The following ARHGEF35 variants were observed in gnomAD, a reference collection of about 807,000 sequenced individuals.
The protein encoded by ARHGEF35 is Rho guanine nucleotide exchange factor (GEF) 35.
For synonymous variants in ARHGEF35, 47 were observed against 170.4 expected (o/e 0.28, Z 5.64); for missense variants, 114 against 449.7 (o/e 0.25, Z 6.75).
rs779913268 is a variant in ARHGEF35, at chr7:144,187,045, C to T, written c.1339G>A (p.Ala447Thr). 17 of 1,544,354 alleles carry T rather than the reference C, an allele frequency of 1.1e-5. 4 individuals carry two copies. The highest frequency in any genetic ancestry group is 2.2e-5 in the East Asian group (1 of 44,810). Residue 447 changes from alanine (A) to threonine (T), a missense_variant, in exon 2 of 2, where the codon GCA (alanine) becomes ACA (threonine). Coordinates refer to ENST00000378115, the MANE Select transcript of ARHGEF35 (RefSeq NM_001003702.3). ...GGCTCTAGCAAGGGAGACAGAGCTGCGGGGGACAGTTCCTCAGCCCTGGAC... is the reference window on the plus strand; with the variant it reads ...GGCTCTAGCAAGGGAGACAGAGCTGTGGGGGACAGTTCCTCAGCCCTGGAC... ...TESRAEELSPAALSPLLEPIR... is the reference protein window; with the variant it reads ...TESRAEELSPTALSPLLEPIR...
At chr7:144,189,795 T>C (rs2051984142) in intron 1 of ARHGEF35, among the ~76,000 whole-genome samples, 1 of 119,128 alleles carries the variant, frequency 8.4e-6, no homozygotes, top group South Asian at 3.1e-4. Context: ...CTCCAGTCTT[T>C]TTTTTTCTTT....
rs2051972651 is a variant in ARHGEF35 at position 144,187,621 on chromosome 7, GC to G, written c.762del (p.Leu255TyrfsTer2). 9.2e-7 allele frequency: 1 copy of G among 1,087,844 alleles called. No individual in the cohort carries two copies. The highest frequency in any genetic ancestry group is 1.9e-5 in the Admixed American group (1 of 53,598). 67.4% of individuals were successfully genotyped at this position (1,087,844 alleles called of 1,614,324 possible). A position where few individuals can be genotyped will look rare whatever the true frequency, so the allele number is the denominator to read the frequency against. ...GTLREDVCAD[G>X]LLGEEQMIEQ... is the part of the protein sequence containing the mutation. ...TCTATCATCTGTTCCTCCCCTAATAGCCCATCGGCACAAACATCCTCCCTCA... is the reference window on the plus strand; with the variant it reads ...TCTATCATCTGTTCCTCCCCTAATAGCCATCGGCACAAACATCCTCCCTCA... On this transcript the variant is annotated frameshift_variant, in exon 2 of 2. Transcript: ENST00000378115. LOFTEE classifies it low-confidence loss of function (END_TRUNC).
Position 144,186,844 on chromosome 7 carries a change from A to G in ARHGEF35, c.*85T>C, listed in dbSNP as rs1168364666. On this transcript the variant is annotated 3_prime_UTR_variant, in exon 2 of 2. Coordinates refer to ENST00000378115, the MANE Select transcript of ARHGEF35 (RefSeq NM_001003702.3). Reference sequence around the variant, plus strand: ...TAAACATTTGGAAATTTAAAAACACACTTCACAATAATCTATCAGTCAAAG... The same window carrying G: ...TAAACATTTGGAAATTTAAAAACACGCTTCACAATAATCTATCAGTCAAAG... 1.8e-6 allele frequency: 2 copies of G among 1,091,066 alleles called. No individual in the cohort carries two copies. The highest frequency in any genetic ancestry group is 3.5e-5 in the African/African-American group (2 of 57,450). The allele number at this position is 1,091,066 out of a possible 1,614,324, so 67.6% of individuals were successfully genotyped here. A position where few individuals can be genotyped will look rare whatever the true frequency, so the allele number is the denominator to read the frequency against.
chr7:144,187,336 C>T lies in ARHGEF35; in HGVS notation c.1048G>A (p.Gly350Arg). Residue 350 changes from glycine to arginine, a missense_variant, in exon 2 of 2, where the codon GGA becomes AGA. Coordinates refer to ENST00000378115, the MANE Select transcript of ARHGEF35 (RefSeq NM_001003702.3). Reference protein sequence around the residue: ...SQDEKSQTFLGKSEEVTGKQE... With the variant: ...SQDEKSQTFLRKSEEVTGKQE... ...TTTCCAGTTACTTCCTCTGATTTTCCCAAAAAGGTTTGACTCTTTTCGTCC... is the reference window on the plus strand; with the variant it reads ...TTTCCAGTTACTTCCTCTGATTTTCTCAAAAAGGTTTGACTCTTTTCGTCC... 7.2e-7 allele frequency: 1 copy of T among 1,396,870 alleles called. No homozygotes were observed. Among genetic ancestry groups the T allele is most frequent in the Non-Finnish European group, 9.8e-7 (1 of 1,017,068 alleles). The allele number at this position is 1,396,870 out of a possible 1,614,324, so 86.5% of individuals were successfully genotyped here. A position where few individuals can be genotyped will look rare whatever the true frequency, so the allele number is the denominator to read the frequency against.
At chr7:144,193,884 C>A in intron 1 of ARHGEF35, among the ~76,000 whole-genome samples, 1 of 145,596 alleles carries the variant, frequency 6.9e-6, no homozygotes, top group East Asian at 1.9e-4. Flanking sequence ...TGACTTTGTT[C>A]CAGTCTACCT....
At chr7:144,191,176 C>A (rs1219904676) in intron 1 of ARHGEF35, among the ~76,000 whole-genome samples, 1 of 105,698 alleles carries the variant, frequency 9.5e-6, no homozygotes, top group African/African-American at 3.5e-5. Context: ...CCATACAGCA[C>A]CTAAGTGAGC....
chr7:144,193,865 C>A (rs1162637389), intron 1 of ARHGEF35, among the ~76,000 whole-genome samples: 2 of 145,064 alleles, frequency 1.4e-5, no homozygotes, highest in African/African-American at 5.1e-5. Flanking sequence ...TTAACATAGA[C>A]CTTGAGGGTG....
chr7:144,187,299 T>C lies in ARHGEF35; in HGVS notation c.1085A>G (p.His362Arg), dbSNP rs201257648. The change falls in exon 2 of 2, where the codon CAT becomes CGT. Residue 362 changes from histidine (H) to arginine (R), a missense_variant. His to Arg is a conservative substitution (Grantham distance 29). Coordinates refer to ENST00000378115, the MANE Select transcript of ARHGEF35 (RefSeq NM_001003702.3). ...SEEVTGKQED[H>R]GIKEKGVPVS... ...TGGGACCCCTTTCTCCTTTATACCA[T>C]GATCTTCTTGCTTTCCAGTTACTTC... is the stretch of plus-strand genomic sequence containing the variant. 1.6e-5 allele frequency: 21 copies of C among 1,326,310 alleles called. 4 individuals are homozygous for C. The highest frequency in any genetic ancestry group is 9.3e-5 in the Admixed American group (4 of 42,916). 82.2% of individuals were successfully genotyped at this position (1,326,310 alleles called of 1,614,324 possible).
In ARHGEF35 at chr7:144,187,054, G is replaced by C. The variant is rs771178813; in HGVS notation, c.1330C>G (p.Leu444Val). The C allele has an allele frequency of 6.5e-7, 1 of 1,544,052 alleles. No individual in the cohort carries two copies. Among genetic ancestry groups the C allele is most frequent in the South Asian group, 1.1e-5 (1 of 90,584 alleles). The change falls in exon 2 of 2, where the codon CTG (leucine) becomes GTG (valine). Residue 444 changes from leucine (L) to valine (V), a missense_variant. Leu to Val is a conservative substitution (Grantham distance 32). Transcript: ENST00000378115. Reference protein sequence around the residue: ...GTQTESRAEELSPAALSPLLE... With the variant: ...GTQTESRAEEVSPAALSPLLE... ...AAGGGAGACAGAGCTGCGGGGGACAGTTCCTCAGCCCTGGACTCTGTCTGA... is the reference window on the plus strand; with the variant it reads ...AAGGGAGACAGAGCTGCGGGGGACACTTCCTCAGCCCTGGACTCTGTCTGA...
intron 1 of ARHGEF35, among the ~76,000 whole-genome samples, chr7:144,191,352 C>G (rs1610542): frequency 1.2e-5 from 1 of 80,178 alleles, no homozygotes; most frequent in Non-Finnish European, 2.8e-5. Context: ...CATCCCCCCC[C>G]CCCCCACTGG....
chr7:144,187,096 T>C lies in ARHGEF35; in HGVS notation c.1288A>G (p.Thr430Ala). ...DLFPGASYLV[T>A]QIPGTQTESR... The stretch of plus-strand genomic sequence containing the variant: ...TCTGTCTGAGTCCCGGGAATCTGAG[T>C]CACGAGATATGAGGCACCTGGAAAC... Residue 430 changes from threonine to alanine, a missense_variant, in exon 2 of 2, where the codon ACT (threonine) becomes GCT (alanine). Physicochemically the swap from Thr to Ala is moderately conservative, Grantham distance 58 (BLOSUM62 0). Transcript: ENST00000378115. 1 of 1,536,126 alleles carries C rather than the reference T, an allele frequency of 6.5e-7. No individual in the cohort carries two copies. Among genetic ancestry groups the C allele is most frequent in the Non-Finnish European group, 8.9e-7 (1 of 1,119,696 alleles).
In ARHGEF35 at chr7:144,186,845, C is replaced by T. The variant is rs2051958211; in HGVS notation, c.*84G>A. 74 of 1,107,418 alleles carry T rather than the reference C, an allele frequency of 6.7e-5. 1 individual carries two copies. The South Asian group carries it at 1.1e-3, about 17-fold the overall frequency. 68.6% of individuals were successfully genotyped at this position (1,107,418 alleles called of 1,614,324 possible). A position where few individuals can be genotyped will look rare whatever the true frequency, so the allele number is the denominator to read the frequency against. On this transcript the variant is annotated 3_prime_UTR_variant, in exon 2 of 2. Coordinates refer to ENST00000378115, the MANE Select transcript of ARHGEF35 (RefSeq NM_001003702.3). ...AAACATTTGGAAATTTAAAAACACA[C>T]TTCACAATAATCTATCAGTCAAAGA...
Position 144,186,694 on chromosome 7 carries a change from TC to T in ARHGEF35, c.*234del. The T allele has an allele frequency of 2.3e-6, 1 of 443,278 alleles. No homozygotes were observed. The highest frequency in any genetic ancestry group is 2.6e-5 in the South Asian group (1 of 38,802). 27.5% of individuals were successfully genotyped at this position (443,278 alleles called of 1,614,324 possible). ...CGAAACACATGGCAAGATAGAGCTGTCCTAGGCCCTAAAACTCGCCACAACA... is the reference window on the plus strand; with the variant it reads ...CGAAACACATGGCAAGATAGAGCTGTCTAGGCCCTAAAACTCGCCACAACA... On this transcript the variant is annotated 3_prime_UTR_variant, in exon 2 of 2. Coordinates refer to ENST00000378115, the MANE Select transcript of ARHGEF35 (RefSeq NM_001003702.3).
In ARHGEF35 at chr7:144,186,698, A is replaced by T; in HGVS notation, c.*231T>A. ...ACACATGGCAAGATAGAGCTGTCCT[A>T]GGCCCTAAAACTCGCCACAACAAAT... On this transcript the variant is annotated 3_prime_UTR_variant, in exon 2 of 2. Transcript: ENST00000378115. The T allele has an allele frequency of 2.2e-6, 1 of 447,900 alleles. No homozygotes were observed. The highest frequency in any genetic ancestry group is 3.3e-5 in the East Asian group (1 of 30,394). The allele number at this position is 447,900 out of a possible 1,614,324, so 27.7% of individuals were successfully genotyped here. A position where few individuals can be genotyped will look rare whatever the true frequency, so the allele number is the denominator to read the frequency against.
Position 144,186,707 on chromosome 7 carries a change from A to T in ARHGEF35, c.*222T>A. On this transcript the variant is annotated 3_prime_UTR_variant, in exon 2 of 2. Coordinates refer to ENST00000378115, the MANE Select transcript of ARHGEF35 (RefSeq NM_001003702.3). ...AAGATAGAGCTGTCCTAGGCCCTAA[A>T]ACTCGCCACAACAAATTTAAAAGAG... 4.2e-6 allele frequency: 2 copies of T among 480,544 alleles called. No homozygotes were observed. Among genetic ancestry groups the T allele is most frequent in the East Asian group, 3.2e-5 (1 of 31,538 alleles). 29.8% of individuals were successfully genotyped at this position (480,544 alleles called of 1,614,324 possible).
In ARHGEF35 at chr7:144,187,006, G is replaced by A. The variant is rs1442654800; in HGVS notation, c.1378C>T (p.His460Tyr). 3.2e-6 allele frequency: 5 copies of A among 1,546,082 alleles called. No individual in the cohort carries two copies. Among genetic ancestry groups the A allele is most frequent in the African/African-American group, 1.4e-5 (1 of 71,210 alleles). ...GAGCCCAGTAGAGAAATGGGCTGGT[G>A]AGAGCATCTGATGGGCTCTAGCAAG... The part of the protein sequence containing the change: ...SPLLEPIRCS[H>Y]QPISLLGSFL... The change falls in exon 2 of 2, where the codon CAC becomes TAC. Residue 460 changes from histidine (H) to tyrosine (Y), a missense_variant. Transcript: ENST00000378115.
At chr7:144,190,056 G>A (rs1217196788) in intron 1 of ARHGEF35, among the ~76,000 whole-genome samples, 5 of 103,274 alleles carry the variant, frequency 4.8e-5, no homozygotes, top group Non-Finnish European at 9.7e-5. Flanking sequence ...CACCCGCCTC[G>A]GCCTCCCGAA....
chr7:144,191,403 C>T (rs1197503255), intron 1 of ARHGEF35, among the ~76,000 whole-genome samples: 1 of 97,438 alleles, frequency 1.0e-5, no homozygotes, highest in Non-Finnish European at 2.2e-5. Flanking sequence ...TGTCTCTCAC[C>T]TGTAGGCCTT....
chr7:144,187,030 A>G lies in ARHGEF35; in HGVS notation c.1354T>C (p.Leu452=). 6.5e-7 allele frequency: 1 copy of G among 1,545,472 alleles called. No homozygotes were observed. The change falls in exon 2 of 2, where the codon TTG becomes CTG. Residue 452 remains leucine, a synonymous_variant. Coordinates refer to ENST00000378115, the MANE Select transcript of ARHGEF35 (RefSeq NM_001003702.3). ...TGAGAGCATCTGATGGGCTCTAGCA[A>G]GGGAGACAGAGCTGCGGGGGACAGT... is the stretch of plus-strand genomic sequence containing the variant. ...EELSPAALSP[L]LEPIRCSHQP...
Sources: gnomAD v4.1 joint callset for allele counts (sites outside exome capture counted in the v4.1 genomes callset) on GRCh38, gnomAD v4.1.1 for gene constraint, MANE v1.5 for transcripts, NCBI Gene and HGNC (gene_info 2026-07-23, HGNC 2026-07-21) for gene names.